Variants in HMG20A observed in about 807,000 individuals in gnomAD.
HMG20A encodes the protein high mobility group protein 20A.
HMG20A carries 17 observed loss-of-function variants against 43.9 expected under a neutral mutation model. That is an observed-to-expected ratio of 0.39 (90% CI 0.27 to 0.58). HMG20A has a LOEUF of 0.58. HMG20A is among the 20% of genes least tolerant of loss of function. The probability of loss-of-function intolerance (pLI) is 0.59; values close to 1 mark genes in which losing one functional copy is unlikely to be tolerated. For missense variants in HMG20A, 341 were observed against 438.2 expected (o/e 0.78, Z 1.98); for synonymous variants, 132 against 147.5 (o/e 0.89, Z 0.76).
intron 4 of HMG20A, 119 bp downstream of exon 4, chr15:77,467,426 G>A (rs1395119711): frequency 3.8e-6 from 3 of 780,560 alleles, no homozygotes; most frequent in Non-Finnish European, 6.3e-6. Context: ...GTGCCTAGGA[G>A]ACCAGAATAG....
chr15:77,479,638 T>G, intron 9 of HMG20A: 1 of 198,272 alleles, frequency 5.0e-6, no homozygotes, highest in South Asian at 1.1e-4. Flanking sequence ...TCAGAATGGT[T>G]TAATGGGAAA....
intron 3 of HMG20A, among the ~76,000 whole-genome samples, chr15:77,465,282 AAAAG>A (rs1555510323): frequency 4.9e-5 from 7 of 142,580 alleles, no homozygotes; most frequent in African/African-American, 1.7e-4. Context: ...AAAAAAAAAA[AAAAG>A]AAAGAAAAAA....
At chr15:77,450,655 T>C (rs1026129610) in intron 1 of HMG20A, among the ~76,000 whole-genome samples, 18 of 152,180 alleles carry the variant, frequency 1.2e-4, no homozygotes, top group African/African-American at 3.1e-4. Context: ...GAAAAAATAA[T>C]GTGTTCGGGG....
At position 77,464,294 on chromosome 15, in the gene HMG20A, T is replaced by C. The variant is rs752152965; in HGVS notation, c.144T>C (p.Asn48=). The C allele has an allele frequency of 6.2e-7, 1 of 1,613,750 alleles. No homozygotes were observed. Among genetic ancestry groups the C allele is most frequent in the African/African-American group, 1.3e-5 (1 of 74,894 alleles). ...GTGGCGCCACATCATCCACCAACAA[T>C]CCAGAATTTGTGGAGGATCTCTCTC... is the stretch of plus-strand genomic sequence containing the variant. ...YSSGATSSTN[N]PEFVEDLSQG... is the part of the protein sequence containing the mutation. The change falls in exon 3 of 10, where the codon AAT becomes AAC. Residue 48 remains asparagine (N), a synonymous_variant. Coordinates refer to ENST00000336216, the MANE Select transcript of HMG20A (RefSeq NM_001304504.2).
At chr15:77,472,025 A>G (rs866433799) in intron 6 of HMG20A, among the ~76,000 whole-genome samples, 1 of 152,122 alleles carries the variant, frequency 6.6e-6, no homozygotes, top group Non-Finnish European at 1.5e-5. Context: ...CCTAACCTCA[A>G]TCCTTTCCTG....
At chr15:77,507,673 G>A in the HMG20A span, among the ~76,000 whole-genome samples, 119 of 152,178 alleles carry the variant, frequency 7.8e-4, 1 homozygote, top group Non-Finnish European at 2.8e-4. Context: ...AGGGGCAAGC[G>A]GGCAGGGGCA....
In HMG20A at chr15:77,467,150, G is replaced by C; in HGVS notation, c.293G>C (p.Arg98Pro). Residue 98 changes from arginine (R) to proline (P), a missense_variant, in exon 4 of 10, where the codon CGA becomes CCA. Transcript: ENST00000336216. ...SKGRKRKKPLRDSNAPKSPLT... is the reference protein window; with the variant it reads ...SKGRKRKKPLPDSNAPKSPLT... ...GGAAGAAAGAGGAAGAAACCTCTTC[G>C]AGACAGCAATGCACCCAAATCCCCC... The C allele has an allele frequency of 6.2e-7, 1 of 1,614,080 alleles. No individual in the cohort carries two copies. Among genetic ancestry groups the C allele is most frequent in the East Asian group, 2.2e-5 (1 of 44,872 alleles).
intron 2 of HMG20A, 31 bp from the exon 3 acceptor site, chr15:77,464,209 T>C: frequency 6.2e-7 from 1 of 1,607,326 alleles, no homozygotes; most frequent in Non-Finnish European, 8.5e-7. Context: ...GTGGAGTTTT[T>C]GTGTTGTTGA....
At chr15:77,449,056 A>G (rs1214743103) in intron 1 of HMG20A, among the ~76,000 whole-genome samples, 1 of 152,146 alleles carries the variant, frequency 6.6e-6, no homozygotes, top group Non-Finnish European at 1.5e-5. Context: ...TCAAAAATAA[A>G]TAAATAAATA....
the HMG20A span, among the ~76,000 whole-genome samples, chr15:77,501,531 C>T: frequency 2.0e-5 from 3 of 152,222 alleles, no homozygotes; most frequent in Non-Finnish European, 2.9e-5. Context: ...CCTCAGAGCT[C>T]CGACCTGGGT....
chr15:77,443,379 G>GATGATTATT (rs576920554), intron 1 of HMG20A, among the ~76,000 whole-genome samples: 9,516 of 131,046 alleles, frequency 0.073, 473 homozygotes, highest in Non-Finnish European at 0.099. Flanking sequence ...TGATGATGAT[G>GATGATTATT]ATTATTATTA....
chr15:77,478,040 A>G, intron 7 of HMG20A: 1 of 549,296 alleles, frequency 1.8e-6, no homozygotes, highest in South Asian at 2.1e-5. Flanking sequence ...AACAAACAAA[A>G]AAATACTGGG....
the HMG20A span, among the ~76,000 whole-genome samples, chr15:77,494,843 T>A: frequency 1.3e-5 from 2 of 152,234 alleles, no homozygotes. Flanking sequence ...TGAACACTGG[T>A]GACCCACAAC....
intron 6 of HMG20A, 63 bp downstream of exon 6, chr15:77,471,877 G>T (rs971593324): frequency 1.8e-5 from 16 of 907,332 alleles, no homozygotes; most frequent in Admixed American, 2.8e-5. Flanking sequence ...TTTTTGAAAT[G>T]CTATTGGATT....
At chr15:77,472,794 C>G (rs1270836051) in intron 6 of HMG20A, among the ~76,000 whole-genome samples, 2 of 152,216 alleles carry the variant, frequency 1.3e-5, no homozygotes, top group African/African-American at 4.8e-5. Context: ...TCATGGCTCT[C>G]TATACTTGTG....
At chr15:77,504,428 G>A in the HMG20A span, among the ~76,000 whole-genome samples, 11 of 152,258 alleles carry the variant, frequency 7.2e-5, no homozygotes, top group Admixed American at 5.9e-4. Flanking sequence ...GCTGGCTCAG[G>A]GCCCATTTCT....
At chr15:77,517,854 C>A in the HMG20A span, among the ~76,000 whole-genome samples, 2 of 152,222 alleles carry the variant, frequency 1.3e-5, no homozygotes, top group Admixed American at 1.3e-4. Flanking sequence ...GTTCTGCAAA[C>A]AGACTCACTT....
chr15:77,469,248 A>C (rs1449620166), intron 4 of HMG20A, among the ~76,000 whole-genome samples: 1 of 151,056 alleles, frequency 6.6e-6, no homozygotes, highest in Admixed American at 6.6e-5. Flanking sequence ...AAGAACATAC[A>C]AACAGCCTGT....
chr15:77,479,556 T>C, intron 9 of HMG20A: 1 of 434,114 alleles, frequency 2.3e-6, no homozygotes, highest in Non-Finnish European at 4.1e-6. Flanking sequence ...GCCCAGCAGT[T>C]CAAGTCCAGA....
Sources: gnomAD v4.1 joint callset for allele counts (sites outside exome capture counted in the v4.1 genomes callset) on GRCh38, gnomAD v4.1.1 for gene constraint, MANE v1.5 for transcripts, NCBI Gene and HGNC (gene_info 2026-07-23, HGNC 2026-07-21) for gene names.